PMEL: variants seen among roughly 807,000 people sequenced by gnomAD.
PMEL encodes the protein melanocyte protein PMEL.
In PMEL, 53 loss-of-function variants were observed where a neutral mutation model predicts 64.9. The ratio of observed to expected loss-of-function variants is 0.82; its 90% CI spans 0.66 to 1.03. The LOEUF is 1.03. PMEL is among the 50% of genes least tolerant of loss of function. PMEL has a pLI of 0.00. For missense variants in PMEL, 716 were observed against 814.9 expected, an observed-to-expected ratio of 0.88 and a Z score of 1.48; for synonymous variants, 299 against 316.2, an observed-to-expected ratio of 0.95 and a Z score of 0.58.
chr12:55,963,455 A>G (rs980210977), intron 1 of PMEL, among the ~76,000 whole-genome samples: 1 of 152,252 alleles, frequency 6.6e-6, no homozygotes, highest in African/African-American at 2.4e-5. Context: ...AATCCCAGAC[A>G]TCGTGTTATT....
At chr12:55,964,043 G>A (rs1331187480) in intron 1 of PMEL, among the ~76,000 whole-genome samples, 1 of 151,866 alleles carries the variant, frequency 6.6e-6, no homozygotes, top group Non-Finnish European at 1.5e-5. Context: ...GCGTGCAGTG[G>A]CACGTTCATC....
chr12:55,956,160 G>A lies in PMEL; in HGVS notation c.1414C>T (p.Pro472Ser), dbSNP rs755445798. Residue 472 changes from proline (P) to serine (S), a missense_variant, in exon 7 of 11, where the codon CCC becomes TCC. Physicochemically the swap from Pro to Ser is moderately conservative, Grantham distance 74. Transcript: ENST00000548747. ...ATLRLVKRQV[P>S]LDCVLYRYGS... Reference sequence around the variant, plus strand: ...TATCGATACAGAACACAATCCAGGGGGACTTGTCTCTTCACCAGCCTTAAG... The same window carrying A: ...TATCGATACAGAACACAATCCAGGGAGACTTGTCTCTTCACCAGCCTTAAG... The A allele has an allele frequency of 3.7e-6, 6 of 1,614,110 alleles. No individual in the cohort carries two copies. The highest frequency in any genetic ancestry group is 8.5e-7 in the Non-Finnish European group (1 of 1,179,964).
At position 55,954,342 on chromosome 12, in the gene PMEL, G is replaced by A. The variant is rs781076871; in HGVS notation, c.1858C>T (p.Leu620Phe). 41 of 1,614,130 alleles carry A rather than the reference G, an allele frequency of 2.5e-5. 1 individual carries two copies. The South Asian group carries it at 3.0e-4, about 12-fold the overall frequency. ...GGTACGGAGAAGTCTTGCTTCATAA[G>A]TCTGCGCCTGATATTGGGAGAAGGG... ...VLASLIYRRRLMKQDFSVPQL... is the reference protein window; with the variant it reads ...VLASLIYRRRFMKQDFSVPQL... Residue 620 changes from leucine (L) to phenylalanine (F), a missense_variant, in exon 11 of 11, where the codon CTT (leucine) becomes TTT (phenylalanine). Coordinates refer to ENST00000548747, the MANE Select transcript of PMEL (RefSeq NM_001384361.1).
intron 1 of PMEL, among the ~76,000 whole-genome samples, chr12:55,962,288 A>AC (rs954307010): frequency 0.028 from 2 of 72 alleles, no homozygotes; most frequent in African/African-American, 0.083. Flanking sequence ...TACTAAAAAT[A>AC]CAAAATTAGC....
chr12:55,966,168 C>T (rs1014493497), upstream of PMEL: 16 of 1,145,126 alleles, frequency 1.4e-5, no homozygotes, highest in Admixed American at 4.0e-4. Context: ...ACAAAGGGAT[C>T]CTGGTCCCTA....
At chr12:55,960,210 C>CAAAA (rs56810428) in intron 3 of PMEL, among the ~76,000 whole-genome samples, 88 of 56,260 alleles carry the variant, frequency 1.6e-3, no homozygotes, top group South Asian at 2.9e-3. Flanking sequence ...GACTCTGTCT[C>CAAAA]AAAAAAAAAA....
At position 55,966,031 on chromosome 12, in the gene PMEL, AC is replaced by A; in HGVS notation, c.-21del. The A allele has an allele frequency of 6.2e-7, 1 of 1,614,196 alleles. No homozygotes were observed. Among genetic ancestry groups the A allele is most frequent in the African/African-American group, 1.3e-5 (1 of 75,058 alleles). Reference sequence around the variant, plus strand: ...ATCCATTGTGTTCTTCCCTCCAGCAACCAAAGGCACTGGGGGGACTGGGATA... The same window carrying A: ...ATCCATTGTGTTCTTCCCTCCAGCAACAAAGGCACTGGGGGGACTGGGATA... On this transcript the variant is annotated 5_prime_UTR_variant, in exon 1 of 11. Transcript: ENST00000548747.
At chr12:55,960,582 G>C (rs1472494073) in intron 3 of PMEL, among the ~76,000 whole-genome samples, 1 of 123,502 alleles carries the variant, frequency 8.1e-6, no homozygotes, top group Non-Finnish European at 1.6e-5. Context: ...TCGCTCTGTC[G>C]CCCAGGCTGG....
chr12:55,960,699 C>T (rs1227191815), intron 3 of PMEL, among the ~76,000 whole-genome samples: 4 of 149,906 alleles, frequency 2.7e-5, no homozygotes, highest in Admixed American at 6.6e-5. Flanking sequence ...CCTGCCACCA[C>T]GCCCGGCTAA....
chr12:55,961,287 A>C, intron 3 of PMEL, 30 bp downstream of exon 3: 21 of 1,606,508 alleles, frequency 1.3e-5, no homozygotes, highest in Middle Eastern at 1.7e-4. Flanking sequence ...GAGCCCTAGG[A>C]ATAAGGACCT....
At chr12:55,962,055 C>T (rs957422428) in intron 1 of PMEL, among the ~76,000 whole-genome samples, 2 of 152,014 alleles carry the variant, frequency 1.3e-5, no homozygotes, top group African/African-American at 2.4e-5. Context: ...GGTCTGGTCT[C>T]GAACTCCCGA....
In PMEL at chr12:55,955,855, C is replaced by G. The variant is rs373387516; in HGVS notation, c.1480G>C (p.Glu494Gln). The G allele has an allele frequency of 6.8e-6, 11 of 1,613,768 alleles. No individual in the cohort carries two copies. The highest frequency in any genetic ancestry group is 8.5e-6 in the Non-Finnish European group (10 of 1,179,770). ...SVTLDIVQGI[E>Q]SAEILQAVPS... ...ACAGCCTGCAGGATCTCGGCACTTT[C>G]AATACCCTCTGCAGAGTTGCAAGCT... is the stretch of plus-strand genomic sequence containing the variant. Residue 494 changes from glutamate to glutamine, a missense_variant, in exon 8 of 11, where the codon GAA becomes CAA. Glu to Gln is a conservative substitution (Grantham distance 29). Transcript: ENST00000548747.
rs576899948 is a variant in PMEL, at chr12:55,962,720, A to G, written c.77-988T>C. On this transcript the variant is annotated intron_variant, in intron 1 of 10. Coordinates refer to ENST00000548747, the MANE Select transcript of PMEL (RefSeq NM_001384361.1). ...TGTATTTTTAGTTTCGCCATGTTTCATGGTTTCTCCATGTTGGCCAGGTTT... is the reference window on the plus strand; with the variant it reads ...TGTATTTTTAGTTTCGCCATGTTTCGTGGTTTCTCCATGTTGGCCAGGTTT... Among the ~76,000 whole-genome samples, 1,442 of 151,166 alleles carry G rather than the reference A, an allele frequency of 9.5e-3. 15 individuals are homozygous for G. Among genetic ancestry groups the G allele is most frequent in the Middle Eastern group, 0.038 (11 of 292 alleles).
chr12:55,955,246 G>A (rs764511738), intron 10 of PMEL, 28 bp downstream of exon 10: 1 of 1,451,500 alleles, frequency 6.9e-7, no homozygotes, highest in Non-Finnish European at 9.7e-7. Flanking sequence ...GGGATAAGGG[G>A]GTCTGAGCTG....
At chr12:55,956,025 C>T in intron 7 of PMEL, 78 bp downstream of exon 7, 2 of 1,153,496 alleles carry the variant, frequency 1.7e-6, no homozygotes, top group Admixed American at 3.4e-5. Context: ...AGTAATTCCT[C>T]CCAAGGTGTG....
At position 55,954,292 on chromosome 12, in the gene PMEL, G is replaced by A; in HGVS notation, c.1908C>T (p.His636=). The change falls in exon 11 of 11, where the codon CAC becomes CAT. Residue 636 remains histidine, a synonymous_variant. Transcript: ENST00000548747. ...AGAAGATGCGGGGTAGACGCAGCCA[G>A]TGACTGCTGCTATGTGGCAACTGGG... The part of the protein sequence containing the change: ...SVPQLPHSSS[H]WLRLPRIFCS... The A allele has an allele frequency of 1.2e-6, 2 of 1,613,796 alleles. No individual in the cohort carries two copies. Among genetic ancestry groups the A allele is most frequent in the Non-Finnish European group, 1.7e-6 (2 of 1,179,660 alleles).
At chr12:55,958,259 T>C (rs1888973420) in intron 4 of PMEL, 175 bp from the exon 5 acceptor site, 1 of 776,170 alleles carries the variant, frequency 1.3e-6, no homozygotes. Context: ...AGGCATTCCA[T>C]GGGGTAGGAC....
At position 55,957,023 on chromosome 12, in the gene PMEL, G is replaced by A; in HGVS notation, c.1280C>T (p.Thr427Ile). 1 of 1,614,216 alleles carries A rather than the reference G, an allele frequency of 6.2e-7. No homozygotes were observed. Among genetic ancestry groups the A allele is most frequent in the South Asian group, 1.1e-5 (1 of 91,082 alleles). The change falls in exon 6 of 11, where the codon ACA becomes ATA. Residue 427 changes from threonine (T) to isoleucine (I), a missense_variant. Transcript: ENST00000548747. ...QVTTTEWVET[T>I]ARELPIPEPE... Reference sequence around the variant, plus strand: ...CTCAGGGATAGGTAGCTCTCTAGCTGTGGTCTCCACCCACTCTGTAGTTGT... The same window carrying A: ...CTCAGGGATAGGTAGCTCTCTAGCTATGGTCTCCACCCACTCTGTAGTTGT...
Position 55,955,536 on chromosome 12 carries a change from T to G in PMEL, c.1690A>C (p.Thr564Pro). The change falls in exon 9 of 11, where the codon ACA becomes CCA. Residue 564 changes from threonine (T) to proline (P), a missense_variant. Thr to Pro is a conservative substitution (Grantham distance 38, BLOSUM62 -1). Coordinates refer to ENST00000548747, the MANE Select transcript of PMEL (RefSeq NM_001384361.1). The stretch of plus-strand genomic sequence containing the variant: ...GCCAGAGACACATTGAGGCAGTATG[T>G]CCCCGAGCCACCCTTCAGTATCTGG... ...LHQILKGGSGTYCLNVSLADT... is the reference protein window; with the variant it reads ...LHQILKGGSGPYCLNVSLADT... 6.2e-7 allele frequency: 1 copy of G among 1,614,118 alleles called. No homozygotes were observed. Among genetic ancestry groups the G allele is most frequent in the African/African-American group, 1.3e-5 (1 of 75,020 alleles).
Sources: allele counts gnomAD v4.1 joint callset (sites outside exome capture counted in the v4.1 genomes callset), GRCh38; gene constraint gnomAD v4.1.1; transcripts MANE v1.5; gene names NCBI Gene and HGNC (gene_info 2026-07-23, HGNC 2026-07-21).